Variants in IMMP1L observed in about 807,000 individuals in gnomAD.
The protein encoded by IMMP1L is inner mitochondrial membrane peptidase subunit 1.
In IMMP1L, 24 loss-of-function variants were observed where a neutral mutation model predicts 21.8. The observed-to-expected ratio is 1.10, with a 90% CI of 0.80 to 1.55. The LOEUF is 1.55. IMMP1L is among the 40% of genes most tolerant of loss of function. The probability of loss-of-function intolerance (pLI) is 0.00; values close to 1 mark genes in which losing one functional copy is unlikely to be tolerated. For synonymous variants in IMMP1L, 46 were observed against 62.8 expected, an observed-to-expected ratio of 0.73 and a Z score of 1.26; for missense variants, 195 against 200.7, an observed-to-expected ratio of 0.97 and a Z score of 0.17.
At chr11:31,497,960 T>G (rs1955507220) in intron 1 of IMMP1L, among the ~76,000 whole-genome samples, 1 of 152,150 alleles carries the variant, frequency 6.6e-6, no homozygotes, top group African/African-American at 2.4e-5. Context: ...ACACAAATAC[T>G]TCAGTTAGAA....
chr11:31,464,313 A>G (rs1305070472), intron 1 of IMMP1L, among the ~76,000 whole-genome samples: 1 of 152,146 alleles, frequency 6.6e-6, no homozygotes, highest in East Asian at 1.9e-4. Context: ...AGGTCTCCCA[A>G]AAAAGAAAAG....
At chr11:31,439,282 T>A (rs1200010283) in intron 4 of IMMP1L, among the ~76,000 whole-genome samples, 1 of 152,110 alleles carries the variant, frequency 6.6e-6, no homozygotes, top group Non-Finnish European at 1.5e-5. Flanking sequence ...CATTTTTTTT[T>A]CTTCCAGACT....
intron 1 of IMMP1L, among the ~76,000 whole-genome samples, chr11:31,508,656 A>G (rs1447455511): frequency 2.6e-5 from 4 of 152,244 alleles, no homozygotes; most frequent in Admixed American, 1.3e-4. Flanking sequence ...AAGAATTTCA[A>G]TGAGGTTTGG....
chr11:31,472,052 T>C (rs1954570805), intron 1 of IMMP1L, among the ~76,000 whole-genome samples: 1 of 152,130 alleles, frequency 6.6e-6, no homozygotes, highest in Non-Finnish European at 1.5e-5. Flanking sequence ...TCTTCCTCTG[T>C]TTCTCTCTCT....
intron 1 of IMMP1L, among the ~76,000 whole-genome samples, chr11:31,476,723 T>C (rs1008729862): frequency 2.0e-5 from 3 of 152,066 alleles, no homozygotes; most frequent in African/African-American, 4.8e-5. Context: ...ACAACACTAA[T>C]TATCTTTTCT....
chr11:31,500,471 C>A (rs1306023388), intron 1 of IMMP1L, among the ~76,000 whole-genome samples: 1 of 152,012 alleles, frequency 6.6e-6, no homozygotes, highest in Non-Finnish European at 1.5e-5. Context: ...CACCTTCTCC[C>A]ATTCAGAAAA....
At chr11:31,460,343 C>T (rs1284391673) in intron 3 of IMMP1L, among the ~76,000 whole-genome samples, 1 of 151,826 alleles carries the variant, frequency 6.6e-6, no homozygotes, top group Non-Finnish European at 1.5e-5. Context: ...ATTCTAAAGC[C>T]CAATTAAAAA....
At chr11:31,466,078 C>G (rs370454628) in intron 1 of IMMP1L, among the ~76,000 whole-genome samples, 3 of 151,616 alleles carry the variant, frequency 2.0e-5, no homozygotes, top group East Asian at 3.9e-4. Context: ...AACAAATAAC[C>G]CAATTAAAAA....
chr11:31,495,793 G>A (rs1433518629), intron 1 of IMMP1L, among the ~76,000 whole-genome samples: 1 of 152,052 alleles, frequency 6.6e-6, no homozygotes, highest in Admixed American at 6.5e-5. Context: ...TCAACACATG[G>A]TATTGAGAAA....
At chr11:31,496,509 C>CA (rs1423953467) in intron 1 of IMMP1L, among the ~76,000 whole-genome samples, 1 of 151,944 alleles carries the variant, frequency 6.6e-6, no homozygotes, top group Non-Finnish European at 1.5e-5. Context: ...GAGATTCAAA[C>CA]AGATACTTCT....
chr11:31,432,658 A>G (rs987126611), intron 5 of IMMP1L, 90 bp from the exon 6 acceptor site: 2 of 841,226 alleles, frequency 2.4e-6, no homozygotes, highest in Admixed American at 1.9e-5. Context: ...CCTTTTCTCT[A>G]TGCCAGATAA....
intron 3 of IMMP1L, among the ~76,000 whole-genome samples, chr11:31,460,240 T>A (rs991136480): frequency 6.6e-6 from 1 of 152,112 alleles, no homozygotes; most frequent in Non-Finnish European, 1.5e-5. Context: ...TAGCAATCAA[T>A]AGAACTACAG....
chr11:31,455,102 T>C (rs916678061), intron 4 of IMMP1L, among the ~76,000 whole-genome samples: 1 of 152,200 alleles, frequency 6.6e-6, no homozygotes, highest in Non-Finnish European at 1.5e-5. Flanking sequence ...TCAAAAACAC[T>C]TGTACAGCTG....
chr11:31,461,675 T>C (rs776380197), intron 2 of IMMP1L, among the ~76,000 whole-genome samples: 1 of 152,168 alleles, frequency 6.6e-6, no homozygotes, highest in Non-Finnish European at 1.5e-5. Flanking sequence ...AGGCTATGCA[T>C]ATAAGGTACA....
At chr11:31,502,613 C>T (rs934148137) in intron 1 of IMMP1L, among the ~76,000 whole-genome samples, 8 of 152,098 alleles carry the variant, frequency 5.3e-5, no homozygotes, top group South Asian at 2.1e-4. Flanking sequence ...ATTATTCAAA[C>T]CGAAGGGAAA....
intron 2 of IMMP1L, among the ~76,000 whole-genome samples, chr11:31,462,202 C>T (rs1954166571): frequency 6.6e-6 from 1 of 151,634 alleles, no homozygotes; most frequent in African/African-American, 2.4e-5. Flanking sequence ...GTAGTCCTAG[C>T]TACTTGGGAG....
chr11:31,442,458 G>T (rs888957968), intron 4 of IMMP1L, among the ~76,000 whole-genome samples: 3 of 152,166 alleles, frequency 2.0e-5, no homozygotes, highest in Admixed American at 1.3e-4. Flanking sequence ...TCATTTATTT[G>T]ATTAGGCAAA....
chr11:31,507,274 C>T (rs185816129), intron 1 of IMMP1L, among the ~76,000 whole-genome samples: 233 of 149,072 alleles, frequency 1.6e-3, no homozygotes, highest in Non-Finnish European at 2.4e-3. Flanking sequence ...ACCTAGACTC[C>T]GTCTCAGAAA....
intron 1 of IMMP1L, among the ~76,000 whole-genome samples, chr11:31,493,535 C>A (rs1238118697): frequency 2.6e-5 from 4 of 152,138 alleles, no homozygotes; most frequent in Non-Finnish European, 5.9e-5. Context: ...CATTCCACCC[C>A]AGCCCCGCCC....
Sources: gnomAD v4.1 joint callset for allele counts (sites outside exome capture counted in the v4.1 genomes callset) on GRCh38, gnomAD v4.1.1 for gene constraint, MANE v1.5 for transcripts, NCBI Gene and HGNC (gene_info 2026-07-23, HGNC 2026-07-21) for gene names.